The following CSMD3 variants were observed in gnomAD, a reference collection of about 807,000 sequenced individuals.
CSMD3 encodes the protein CUB and Sushi multiple domains 3.
CSMD3 carries 177 observed loss-of-function variants against 435.2 expected under a neutral mutation model. The ratio of observed to expected loss-of-function variants is 0.41; its 90% CI spans 0.36 to 0.46. The LOEUF is 0.46. Among genes scored for constraint, CSMD3 ranks in the 20% least tolerant of loss-of-function variants. CSMD3 has a pLI of 0.34. For synonymous variants in CSMD3, 1,656 were observed against 1,520.5 expected (o/e 1.09, Z -2.07); for missense variants, 4,265 against 4,504.6 (o/e 0.95, Z 1.52).
intron 3 of CSMD3, among the ~76,000 whole-genome samples, chr8:113,187,099 C>T (rs914075634): frequency 3.3e-5 from 5 of 150,360 alleles, no homozygotes; most frequent in East Asian, 2.0e-4. Flanking sequence ...GTGAGGTGGG[C>T]GGGGGGCTGT....
intron 11 of CSMD3, among the ~76,000 whole-genome samples, chr8:112,844,198 T>C (rs969361762): frequency 1.3e-4 from 19 of 151,984 alleles, no homozygotes; most frequent in Non-Finnish European, 2.4e-4. Flanking sequence ...ATATAATTAA[T>C]TCAAAAAAAT....
At chr8:112,649,322 T>A (rs1000964343) in intron 19 of CSMD3, among the ~76,000 whole-genome samples, 3 of 152,224 alleles carry the variant, frequency 2.0e-5, no homozygotes, top group South Asian at 4.1e-4. Context: ...GATGTTTTGA[T>A]GAGTTGTTTA....
At chr8:112,533,427 T>C (rs1284543446) in intron 27 of CSMD3, among the ~76,000 whole-genome samples, 3 of 151,966 alleles carry the variant, frequency 2.0e-5, no homozygotes, top group African/African-American at 4.8e-5. Context: ...GAATGAAACA[T>C]GTATTTTATG....
At chr8:112,985,669 A>G (rs2085228871) in intron 6 of CSMD3, among the ~76,000 whole-genome samples, 1 of 152,066 alleles carries the variant, frequency 6.6e-6, no homozygotes, top group Admixed American at 6.6e-5. Flanking sequence ...CATTGATCAC[A>G]TTACCTACTG....
chr8:113,069,188 T>A (rs144837380), intron 5 of CSMD3, among the ~76,000 whole-genome samples: 2,188 of 152,272 alleles, frequency 0.014, 19 homozygotes, highest in Non-Finnish European at 0.023. Flanking sequence ...TAGAATAGGC[T>A]ATTTTAAACT....
At chr8:112,863,982 C>T (rs2080900805) in intron 10 of CSMD3, among the ~76,000 whole-genome samples, 1 of 151,980 alleles carries the variant, frequency 6.6e-6, no homozygotes, top group Admixed American at 6.6e-5. Flanking sequence ...TGTGGATCCC[C>T]ACACTAGTGA....
intron 59 of CSMD3, among the ~76,000 whole-genome samples, chr8:112,270,361 T>TGTGTGTGTGTGTGTGTGTTAGGGGTGAGA (rs1554623013): frequency 7.4e-6 from 1 of 135,630 alleles, no homozygotes; most frequent in South Asian, 2.2e-4. Context: ...TGTGTGTGTG[T>TGTGTGTGTGTGTGTGTGTTAGGGGTGAGA]GTGTGTGTGT....
At chr8:112,320,249 TC>T (rs1437396362) in intron 45 of CSMD3, among the ~76,000 whole-genome samples, 1 of 152,128 alleles carries the variant, frequency 6.6e-6, no homozygotes, top group Non-Finnish European at 1.5e-5. Flanking sequence ...CTTGTTTTTT[TC>T]CTCCTTTGCA....
rs146368078 is a variant in CSMD3, at chr8:112,756,435, A to C, written c.1972+43727T>G. ...AATAAATCTCAAACAGCATAATTTC[A>C]CTGGCAATATTATGGAAACAGGGAG... On this transcript the variant is annotated intron_variant, in intron 13 of 70. Coordinates refer to ENST00000297405, the MANE Select transcript of CSMD3 (RefSeq NM_198123.2). Among the ~76,000 whole-genome samples the C allele has an allele frequency of 2.5e-4, 38 of 152,276 alleles. No homozygotes were observed. In the East Asian group the frequency reaches 4.8e-3, roughly 19 times the overall value.
intron 11 of CSMD3, among the ~76,000 whole-genome samples, chr8:112,849,346 G>C (rs2080419080): frequency 6.6e-6 from 1 of 151,780 alleles, no homozygotes; most frequent in South Asian, 2.1e-4. Context: ...GAGAGCAGGG[G>C]GTGGTCAAAA....
chr8:113,433,380 C>G (rs2094686965), intron 1 of CSMD3, among the ~76,000 whole-genome samples: 1 of 152,150 alleles, frequency 6.6e-6, no homozygotes, highest in Admixed American at 6.5e-5. Flanking sequence ...GACATGGCCA[C>G]CTGGGCGGGC....
At chr8:112,981,794 A>G (rs1298495964) in intron 6 of CSMD3, among the ~76,000 whole-genome samples, 1 of 151,736 alleles carries the variant, frequency 6.6e-6, no homozygotes, top group African/African-American at 2.4e-5. Flanking sequence ...ATGCCAAGCA[A>G]CCATAAATAC....
chr8:112,526,525 C>T (rs948605431), intron 27 of CSMD3, among the ~76,000 whole-genome samples: 4 of 151,958 alleles, frequency 2.6e-5, no homozygotes, highest in African/African-American at 4.8e-5. Flanking sequence ...GTAATTATTA[C>T]AATTTTATTG....
chr8:113,084,886 G>A (rs2089702080), intron 5 of CSMD3, among the ~76,000 whole-genome samples: 1 of 151,780 alleles, frequency 6.6e-6, no homozygotes, highest in Non-Finnish European at 1.5e-5. Context: ...TCAATAAATA[G>A]TATTAAGAAA....
intron 7 of CSMD3, among the ~76,000 whole-genome samples, chr8:112,971,572 T>C (rs1373034063): frequency 6.6e-6 from 1 of 152,164 alleles, no homozygotes; most frequent in Non-Finnish European, 1.5e-5. Context: ...ACTTTGCAAA[T>C]ATAAAATTTT....
chr8:112,506,906 G>T (rs769051892), intron 28 of CSMD3, 77 bp from the exon 29 acceptor site: 1 of 1,295,126 alleles, frequency 7.7e-7, no homozygotes, highest in Non-Finnish European at 1.1e-6. Context: ...TTGAAATCAC[G>T]TCTCTAAAAG....
intron 28 of CSMD3, among the ~76,000 whole-genome samples, chr8:112,515,382 T>C (rs1275243864): frequency 1.3e-5 from 2 of 152,118 alleles, no homozygotes; most frequent in African/African-American, 4.8e-5. Flanking sequence ...TTCCAATTAA[T>C]TAGAATAAGA....
At chr8:112,622,742 C>T (rs992984141) in intron 22 of CSMD3, among the ~76,000 whole-genome samples, 3 of 152,088 alleles carry the variant, frequency 2.0e-5, no homozygotes, top group African/African-American at 7.2e-5. Context: ...CTGTGTATCT[C>T]ATTGGTCTCA....
At chr8:112,952,795 A>T (rs1028041320) in intron 8 of CSMD3, among the ~76,000 whole-genome samples, 6 of 151,572 alleles carry the variant, frequency 4.0e-5, no homozygotes, top group Admixed American at 1.3e-4. Flanking sequence ...TATGGAGCAA[A>T]TTAACATTTT....
Sources: allele counts gnomAD v4.1 joint callset (sites outside exome capture counted in the v4.1 genomes callset), GRCh38; gene constraint gnomAD v4.1.1; transcripts MANE v1.5; gene names NCBI Gene and HGNC (gene_info 2026-07-23, HGNC 2026-07-21).